Variants in UBE2H observed in about 807,000 individuals in gnomAD.
UBE2H encodes the protein ubiquitin-conjugating enzyme E2 H.
Under a neutral mutation model 29.0 loss-of-function variants are expected in UBE2H, and 3 were observed. That is an observed-to-expected ratio of 0.10 (90% CI 0.05 to 0.27). The LOEUF (loss-of-function observed/expected upper bound fraction) is 0.27, where lower values mean the gene tolerates loss of function less well. Ranked by LOEUF, UBE2H falls within the 10% of genes least tolerant of loss-of-function variation. The pLI is 1.00. For synonymous variants in UBE2H, 69 were observed against 82.9 expected (o/e 0.83, Z 0.91); for missense variants, 68 against 228.2 (o/e 0.30, Z 4.52).
intron 1 of UBE2H, among the ~76,000 whole-genome samples, chr7:129,934,312 A>C (rs1807470557): frequency 6.6e-6 from 1 of 151,658 alleles, no homozygotes; most frequent in Admixed American, 6.6e-5. Flanking sequence ...ACACAGACCG[A>C]CCTTGCTTTA....
intron 1 of UBE2H, among the ~76,000 whole-genome samples, chr7:129,930,446 G>A (rs188567985): frequency 6.1e-4 from 93 of 152,060 alleles, no homozygotes; most frequent in African/African-American, 2.0e-3. Context: ...TTACAGGCGT[G>A]AGCCACCTCA....
At chr7:129,936,995 AAAC>A (rs990380629) in intron 1 of UBE2H, among the ~76,000 whole-genome samples, 11 of 151,350 alleles carry the variant, frequency 7.3e-5, no homozygotes, top group African/African-American at 1.5e-4. Flanking sequence ...ACAAACAAAC[AAAC>A]AACAACAACA....
chr7:129,907,554 A>G (rs1806846007), intron 1 of UBE2H, among the ~76,000 whole-genome samples: 2 of 152,218 alleles, frequency 1.3e-5, no homozygotes, highest in Admixed American at 6.5e-5. Context: ...AAGACGGTAG[A>G]GAGCCAGACC....
At chr7:129,909,864 T>G (rs1241018602) in intron 1 of UBE2H, among the ~76,000 whole-genome samples, 3 of 151,322 alleles carry the variant, frequency 2.0e-5, no homozygotes, top group African/African-American at 2.4e-5. Flanking sequence ...TTGAAAGAGG[T>G]GGGAGTTGGA....
At chr7:129,856,140 C>T (rs1246149989) in intron 5 of UBE2H, among the ~76,000 whole-genome samples, 1 of 152,152 alleles carries the variant, frequency 6.6e-6, no homozygotes, top group African/African-American at 2.4e-5. Flanking sequence ...TGCTGGTGAC[C>T]AACCTTTCTC....
intron 3 of UBE2H, among the ~76,000 whole-genome samples, chr7:129,876,170 C>T (rs1460572641): frequency 6.6e-6 from 1 of 152,108 alleles, no homozygotes; most frequent in Non-Finnish European, 1.5e-5. Flanking sequence ...GCCAGGTACC[C>T]CGAGTTTTAA....
intron 1 of UBE2H, among the ~76,000 whole-genome samples, chr7:129,881,384 C>T (rs1467653377): frequency 6.6e-6 from 1 of 152,210 alleles, no homozygotes; most frequent in Non-Finnish European, 1.5e-5. Context: ...CAGCGGCTCA[C>T]GCCTGTAATC....
chr7:129,949,886 C>T (rs1807840101), intron 1 of UBE2H, among the ~76,000 whole-genome samples: 1 of 152,346 alleles, frequency 6.6e-6, no homozygotes, highest in East Asian at 1.9e-4. Context: ...TCGCCCCCCA[C>T]ACCAAAGAAA....
chr7:129,850,768 T>C (rs879516273), intron 5 of UBE2H, among the ~76,000 whole-genome samples: 1 of 148,382 alleles, frequency 6.7e-6, no homozygotes, highest in African/African-American at 2.5e-5. Flanking sequence ...TGAGCCGAGA[T>C]TGCGCCACTG....
chr7:129,852,258 ACTAT>A (rs1436631899), intron 5 of UBE2H, among the ~76,000 whole-genome samples: 4 of 152,332 alleles, frequency 2.6e-5, no homozygotes, highest in East Asian at 3.9e-4. Context: ...AGATTCACAG[ACTAT>A]CTAACTGAAA....
intron 1 of UBE2H, among the ~76,000 whole-genome samples, chr7:129,885,409 C>G (rs149026093): frequency 1.3e-5 from 2 of 152,298 alleles, no homozygotes; most frequent in African/African-American, 2.4e-5. Flanking sequence ...TTTAAAATTA[C>G]GAGTTGTCCT....
At chr7:129,887,228 T>C (rs1806381637) in intron 1 of UBE2H, among the ~76,000 whole-genome samples, 1 of 148,928 alleles carries the variant, frequency 6.7e-6, no homozygotes, top group African/African-American at 2.5e-5. Context: ...CTTTTTTTTT[T>C]TTTTTTTTTT....
intron 3 of UBE2H, among the ~76,000 whole-genome samples, chr7:129,869,720 T>G (rs1805989499): frequency 6.6e-6 from 1 of 152,106 alleles, no homozygotes; most frequent in Non-Finnish European, 1.5e-5. Flanking sequence ...AGGCCCTGAG[T>G]AGTGAGTATT....
At chr7:129,885,058 C>T (rs1381529060) in intron 1 of UBE2H, among the ~76,000 whole-genome samples, 3 of 143,676 alleles carry the variant, frequency 2.1e-5, no homozygotes, top group African/African-American at 7.6e-5. Flanking sequence ...GAGAGAACTT[C>T]TCTTAAAAAA....
intron 1 of UBE2H, among the ~76,000 whole-genome samples, chr7:129,933,054 T>C (rs1807442315): frequency 6.6e-6 from 1 of 152,162 alleles, no homozygotes; most frequent in African/African-American, 2.4e-5. Context: ...CTTATGTGTA[T>C]ATACATTTAA....
intron 6 of UBE2H, among the ~76,000 whole-genome samples, chr7:129,838,560 A>C (rs1428901284): frequency 6.6e-6 from 1 of 152,242 alleles, no homozygotes; most frequent in East Asian, 1.9e-4. Flanking sequence ...AGCTTCATGT[A>C]TCTAGACTTT....
chr7:129,849,717 A>C (rs1333013029), intron 5 of UBE2H, among the ~76,000 whole-genome samples: 1 of 152,226 alleles, frequency 6.6e-6, no homozygotes, highest in African/African-American at 2.4e-5. Context: ...GCTGTGGCTC[A>C]GGCCCAACTG....
chr7:129,878,682 CAAAAAAAA>C (rs772936668), intron 3 of UBE2H, among the ~76,000 whole-genome samples: 2 of 75,072 alleles, frequency 2.7e-5, no homozygotes, highest in Non-Finnish European at 4.6e-5. Flanking sequence ...GACTCCGTCT[CAAAAAAAA>C]AAAAAAAAAA....
chr7:129,851,065 C>A (rs545708874), intron 5 of UBE2H, among the ~76,000 whole-genome samples: 2 of 152,234 alleles, frequency 1.3e-5, no homozygotes, highest in Non-Finnish European at 2.9e-5. Flanking sequence ...GCATTCCAAA[C>A]CCGCTTAAAA....
Sources: gnomAD v4.1 joint callset for allele counts (sites outside exome capture counted in the v4.1 genomes callset) on GRCh38, gnomAD v4.1.1 for gene constraint, MANE v1.5 for transcripts, NCBI Gene and HGNC (gene_info 2026-07-23, HGNC 2026-07-21) for gene names.